The following AP3B1 variants were observed in gnomAD, a reference collection of about 807,000 sequenced individuals.
AP3B1 encodes the protein adaptor related protein complex 3 subunit beta 1.
In AP3B1, 61 loss-of-function variants were observed where a neutral mutation model predicts 132.5. The ratio of observed to expected loss-of-function variants is 0.46; its 90% CI spans 0.37 to 0.57. The LOEUF is 0.57. Ranked by LOEUF, AP3B1 falls within the 20% of genes least tolerant of loss-of-function variation. The pLI is 0.00. For missense variants in AP3B1, 1,120 were observed against 1,289.4 expected, an observed-to-expected ratio of 0.87 and a Z score of 2.01; for synonymous variants, 388 against 438.3, an observed-to-expected ratio of 0.89 and a Z score of 1.43.
chr5:78,155,784 C>T (rs1242342141), intron 14 of AP3B1, among the ~76,000 whole-genome samples: 1 of 151,810 alleles, frequency 6.6e-6, no homozygotes, highest in Non-Finnish European at 1.5e-5. Context: ...CAATTACATA[C>T]TGGTGATTGC....
intron 7 of AP3B1, among the ~76,000 whole-genome samples, chr5:78,196,572 T>C (rs1745084742): frequency 6.6e-6 from 1 of 152,102 alleles, no homozygotes; most frequent in African/African-American, 2.4e-5. Flanking sequence ...TGCACATGGA[T>C]ACAGCAGCTT....
chr5:78,199,854 C>T (rs1383843285), intron 7 of AP3B1, among the ~76,000 whole-genome samples: 2 of 151,780 alleles, frequency 1.3e-5, no homozygotes, highest in Admixed American at 6.6e-5. Flanking sequence ...AAAGAAAAAA[C>T]AGAAATAATT....
intron 11 of AP3B1, among the ~76,000 whole-genome samples, chr5:78,168,471 G>A (rs1743757188): frequency 6.6e-6 from 1 of 151,828 alleles, no homozygotes. Context: ...CGATCCTCCT[G>A]CCTCAGCCTC....
At chr5:78,245,129 G>A (rs536415594) in intron 2 of AP3B1, among the ~76,000 whole-genome samples, 4 of 152,292 alleles carry the variant, frequency 2.6e-5, no homozygotes, top group African/African-American at 9.6e-5. Flanking sequence ...CAGGGGGCCA[G>A]TTGTACTTTT....
Position 78,276,334 on chromosome 5 carries a change from C to G in AP3B1, c.129-8739G>C, listed in dbSNP as rs149471212. ...CCTCCCACCTCAGTCTCCAAAAATGCTAGGATTGCAAGTGTGAGCCACCAT... is the reference window on the plus strand; with the variant it reads ...CCTCCCACCTCAGTCTCCAAAAATGGTAGGATTGCAAGTGTGAGCCACCAT... On this transcript the variant is annotated intron_variant, in intron 1 of 26. Transcript: ENST00000255194. Among the ~76,000 whole-genome samples, 986 of 152,230 alleles carry G rather than the reference C, an allele frequency of 6.5e-3. 7 individuals are homozygous for G. Among genetic ancestry groups the G allele is most frequent in the African/African-American group, 0.022 (927 of 41,522 alleles).
Position 78,121,838 on chromosome 5 carries a change from C to T in AP3B1, c.1969-5604G>A, listed in dbSNP as rs554677156. ...GAAAAAGAGGGAAGCCTCCCTAACTCATTTTAGGAGGCCAGCATCATCCTG... is the reference window on the plus strand; with the variant it reads ...GAAAAAGAGGGAAGCCTCCCTAACTTATTTTAGGAGGCCAGCATCATCCTG... On this transcript the variant is annotated intron_variant, in intron 17 of 26. Transcript: ENST00000255194. 38 of 152,432 alleles carry T rather than the reference C, an allele frequency of 2.5e-4. 1 individual carries two copies. The highest frequency in any genetic ancestry group is 2.1e-3 in the Admixed American group (32 of 15,306). 9.4% of individuals were successfully genotyped at this position (152,432 alleles called of 1,614,324 possible).
At chr5:78,125,031 A>C (rs1752401929) in intron 17 of AP3B1, among the ~76,000 whole-genome samples, 1 of 152,150 alleles carries the variant, frequency 6.6e-6, no homozygotes, top group Non-Finnish European at 1.5e-5. Flanking sequence ...CATTGTAAGG[A>C]AAAGGAATAA....
intron 22 of AP3B1, among the ~76,000 whole-genome samples, chr5:78,076,753 C>T (rs772147616): frequency 3.9e-5 from 6 of 152,112 alleles, no homozygotes; most frequent in Non-Finnish European, 8.8e-5. Context: ...GATGAAGCCT[C>T]AATAAAGACT....
chr5:78,187,405 T>C (rs990353695), intron 7 of AP3B1, among the ~76,000 whole-genome samples: 1 of 152,206 alleles, frequency 6.6e-6, no homozygotes, highest in African/African-American at 2.4e-5. Context: ...AAAAAACTGC[T>C]TTTTATAACC....
At chr5:78,116,105 C>T (rs1751813865) in intron 18 of AP3B1, 21 bp downstream of exon 18, 1 of 1,500,068 alleles carries the variant, frequency 6.7e-7, no homozygotes, top group African/African-American at 1.4e-5. Context: ...ATAATATATG[C>T]CAATAAATTA....
chr5:78,043,983 C>T, intron 22 of AP3B1: 1 of 303,796 alleles, frequency 3.3e-6, no homozygotes, highest in Non-Finnish European at 6.6e-6. Flanking sequence ...TACAGGAAAT[C>T]TTGTCCAATG....
chr5:78,083,611 C>A (rs1750106565), intron 22 of AP3B1, among the ~76,000 whole-genome samples: 1 of 152,162 alleles, frequency 6.6e-6, no homozygotes, highest in Non-Finnish European at 1.5e-5. Flanking sequence ...TCAGATACTA[C>A]AGCAGGAAAT....
At chr5:78,272,554 C>T (rs1436529029) in intron 1 of AP3B1, among the ~76,000 whole-genome samples, 4 of 152,144 alleles carry the variant, frequency 2.6e-5, no homozygotes, top group Non-Finnish European at 5.9e-5. Context: ...AGGAAAAACC[C>T]TTGCCCTCAT....
intron 22 of AP3B1, among the ~76,000 whole-genome samples, chr5:78,059,689 T>C (rs1748960025): frequency 6.6e-6 from 1 of 152,170 alleles, no homozygotes; most frequent in Non-Finnish European, 1.5e-5. Flanking sequence ...ACTCCTTCTA[T>C]GCTTTCAATA....
At chr5:78,166,117 TCACACACACA>T (rs70997970) in intron 11 of AP3B1, among the ~76,000 whole-genome samples, 22,647 of 135,480 alleles carry the variant, frequency 0.17, 2,044 homozygotes, top group Admixed American at 0.23. Context: ...TGAAACTCTG[TCACACACACA>T]CACACACACA....
rs1258690563 is a variant in AP3B1 at position 78,110,095 on chromosome 5, A to T, written c.2397+112T>A. On this transcript the variant is annotated intron_variant, in intron 20 of 26. Transcript: ENST00000255194. ...TTTCTGCAGAGTTGGGTTATAAGGG[A>T]AAGGCTTATCTAGAAAAAATAAAAT... 17 of 983,056 alleles carry T rather than the reference A, an allele frequency of 1.7e-5. No homozygotes were observed. In the Admixed American group the frequency reaches 3.7e-4, roughly 22 times the overall value. The allele number at this position is 983,056 out of a possible 1,614,324, so 60.9% of individuals were successfully genotyped here.
chr5:78,266,407 G>C lies in AP3B1; in HGVS notation c.204+1113C>G, dbSNP rs747068879. Among the ~76,000 whole-genome samples the C allele has an allele frequency of 2.8e-4, 42 of 152,106 alleles. 1 individual carries two copies. The highest frequency in any genetic ancestry group is 2.5e-4 in the Non-Finnish European group (17 of 68,016). ...GAAAGCAAGGATCAAGTCACTTACA[G>C]ATGTCCTACAGATACAATTAGTACT... On this transcript the variant is annotated intron_variant, in intron 2 of 26. Coordinates refer to ENST00000255194, the MANE Select transcript of AP3B1 (RefSeq NM_003664.5).
At chr5:78,153,222 G>A (rs1209416604) in intron 14 of AP3B1, among the ~76,000 whole-genome samples, 2 of 152,150 alleles carry the variant, frequency 1.3e-5, no homozygotes, top group Non-Finnish European at 2.9e-5. Context: ...GTGCTCCAGT[G>A]TTGAGTGCAT....
At position 78,050,152 on chromosome 5, in the gene AP3B1, A is replaced by G. The variant is rs550825896; in HGVS notation, c.2578-10878T>C. Among the ~76,000 whole-genome samples, 3 of 152,236 alleles carry G rather than the reference A, an allele frequency of 2.0e-5. No homozygotes were observed. In the East Asian group the frequency reaches 5.8e-4, roughly 29 times the overall value. Reference sequence around the variant, plus strand: ...GAAGGCACTTTCTCCAGAGACCCACATGGCTCAGCTCTAGTATGTCTGCTC... The same window carrying G: ...GAAGGCACTTTCTCCAGAGACCCACGTGGCTCAGCTCTAGTATGTCTGCTC... On this transcript the variant is annotated intron_variant, in intron 22 of 26. Transcript: ENST00000255194.
Sources: gnomAD v4.1 joint callset for allele counts (sites outside exome capture counted in the v4.1 genomes callset) on GRCh38, gnomAD v4.1.1 for gene constraint, MANE v1.5 for transcripts, NCBI Gene and HGNC (gene_info 2026-07-23, HGNC 2026-07-21) for gene names.